PCDH15: variants seen among roughly 807,000 people sequenced by gnomAD.
PCDH15 encodes protocadherin related 15.
PCDH15 carries 129 observed loss-of-function variants against 178.5 expected under a neutral mutation model. The observed-to-expected ratio is 0.72, with a 90% CI of 0.63 to 0.84. The LOEUF (loss-of-function observed/expected upper bound fraction) is 0.84. Ranked by LOEUF, PCDH15 falls within the 40% of genes least tolerant of loss-of-function variation. The pLI, the probability that PCDH15 is intolerant of heterozygous loss-of-function variation, is 0.00. For synonymous variants in PCDH15, 800 were observed against 732.0 expected (o/e 1.09, Z -1.50); for missense variants, 2,230 against 2,099.9 (o/e 1.06, Z -1.21).
intron 1 of PCDH15, among the ~76,000 whole-genome samples, chr10:55,190,451 G>C (rs1180306972): frequency 6.6e-6 from 1 of 151,696 alleles, no homozygotes; most frequent in East Asian, 1.9e-4. Context: ...AAAGCAGTTT[G>C]AACGGTATCT....
intron 2 of PCDH15, among the ~76,000 whole-genome samples, chr10:55,151,011 A>ATATTAAT (rs1171318885): frequency 1.3e-5 from 2 of 152,150 alleles, no homozygotes; most frequent in Non-Finnish European, 2.9e-5. Flanking sequence ...TGAATATCAC[A>ATATTAAT]GTTAATAGTA....
chr10:55,298,659 G>GCAA (rs1843195714), intron 1 of PCDH15, among the ~76,000 whole-genome samples: 1 of 151,912 alleles, frequency 6.6e-6, no homozygotes, highest in African/African-American at 2.4e-5. Context: ...TGGGCTCACT[G>GCAA]CAACCTCCAC....
intron 2 of PCDH15, among the ~76,000 whole-genome samples, chr10:54,921,707 C>T (rs1837493078): frequency 6.6e-6 from 1 of 152,048 alleles, no homozygotes; most frequent in Non-Finnish European, 1.5e-5. Flanking sequence ...GTTTATGTAC[C>T]ACATTTTTTT....
At chr10:54,504,881 CAATA>C (rs995843008) in intron 3 of PCDH15, among the ~76,000 whole-genome samples, 5 of 151,888 alleles carry the variant, frequency 3.3e-5, no homozygotes, top group African/African-American at 1.2e-4. Flanking sequence ...ATGTCACCAA[CAATA>C]AATAAACTAT....
At chr10:54,170,331 G>C (rs1184102823) in intron 13 of PCDH15, among the ~76,000 whole-genome samples, 2 of 151,946 alleles carry the variant, frequency 1.3e-5, no homozygotes, top group African/African-American at 4.8e-5. Flanking sequence ...CAAGAGCCAG[G>C]ACCACACCCT....
At chr10:53,920,819 C>T (rs868391014) in intron 25 of PCDH15, among the ~76,000 whole-genome samples, 38 of 152,112 alleles carry the variant, frequency 2.5e-4, no homozygotes, top group Middle Eastern at 3.4e-3. Flanking sequence ...TGCTTGTTTG[C>T]GAAATATTTC....
chr10:53,992,937 T>A (rs1361019307), intron 21 of PCDH15, among the ~76,000 whole-genome samples: 8 of 152,234 alleles, frequency 5.3e-5, no homozygotes. Context: ...TCAACAATAG[T>A]GCTCTCTCTG....
At chr10:54,664,041 A>T in intron 2 of PCDH15, 131 bp downstream of exon 2, 1 of 747,196 alleles carries the variant, frequency 1.3e-6, no homozygotes, top group Non-Finnish European at 2.3e-6. Flanking sequence ...AGTTAAGGTT[A>T]ATTATTACAC....
At chr10:54,780,772 T>A (rs1415379375) in intron 1 of PCDH15, among the ~76,000 whole-genome samples, 1 of 151,314 alleles carries the variant, frequency 6.6e-6, no homozygotes, top group Admixed American at 6.6e-5. Flanking sequence ...GAATATAAAT[T>A]ATCTTTTAAC....
chr10:55,122,780 C>T (rs1837802501), intron 2 of PCDH15, among the ~76,000 whole-genome samples: 1 of 152,036 alleles, frequency 6.6e-6, no homozygotes, highest in Admixed American at 6.6e-5. Flanking sequence ...CTAAACTAAG[C>T]TTTTGGGACA....
chr10:55,046,677 A>G (rs1049104899), intron 2 of PCDH15, among the ~76,000 whole-genome samples: 6 of 152,062 alleles, frequency 3.9e-5, no homozygotes, highest in Non-Finnish European at 5.9e-5. Context: ...ATCACTTGAC[A>G]AAAGGCAGAT....
chr10:54,098,557 C>A (rs539225527), intron 15 of PCDH15, among the ~76,000 whole-genome samples: 1 of 152,218 alleles, frequency 6.6e-6, no homozygotes, highest in African/African-American at 2.4e-5. Flanking sequence ...CTAACTGTAA[C>A]ATTACCCTGA....
chr10:55,291,702 T>C (rs1843012107), intron 1 of PCDH15, among the ~76,000 whole-genome samples: 1 of 152,176 alleles, frequency 6.6e-6, no homozygotes, highest in African/African-American at 2.4e-5. Flanking sequence ...CTTGTTGTAT[T>C]AGTCCATTTT....
At chr10:55,376,276 G>T (rs1312513438) in intron 2 of PCDH15, among the ~76,000 whole-genome samples, 4 of 152,048 alleles carry the variant, frequency 2.6e-5, no homozygotes, top group African/African-American at 9.7e-5. Flanking sequence ...GATCCACTTA[G>T]ATATGTTATA....
intron 2 of PCDH15, among the ~76,000 whole-genome samples, chr10:55,463,899 G>GAGAGAGAA (rs1839738570): frequency 4.2e-5 from 2 of 47,438 alleles, no homozygotes; most frequent in Non-Finnish European, 4.0e-5. Context: ...GGGAGAGAGA[G>GAGAGAGAA]AGAAAGAAAG....
intron 2 of PCDH15, among the ~76,000 whole-genome samples, chr10:54,546,154 G>T (rs1329324386): frequency 6.6e-6 from 1 of 152,180 alleles, no homozygotes; most frequent in Non-Finnish European, 1.5e-5. Flanking sequence ...TGCCGCTGTG[G>T]CATCCAAGCT....
At chr10:54,345,448 T>A (rs891404058) in intron 6 of PCDH15, among the ~76,000 whole-genome samples, 1 of 152,042 alleles carries the variant, frequency 6.6e-6, no homozygotes, top group Non-Finnish European at 1.5e-5. Flanking sequence ...AGTAGTGCAT[T>A]TATAATTGCT....
At chr10:54,290,107 G>T (rs1329512911) in intron 8 of PCDH15, among the ~76,000 whole-genome samples, 3 of 152,264 alleles carry the variant, frequency 2.0e-5, no homozygotes, top group Admixed American at 6.5e-5. Context: ...ATTCACCAAG[G>T]TTGTAATGAA....
intron 28 of PCDH15, among the ~76,000 whole-genome samples, chr10:53,848,839 C>T (rs2078150537): frequency 6.6e-6 from 1 of 151,892 alleles, no homozygotes; most frequent in South Asian, 2.1e-4. Context: ...TTTTCTTAAA[C>T]AAAATAGTTT....
Sources: gnomAD v4.1 joint callset for allele counts (sites outside exome capture counted in the v4.1 genomes callset) on GRCh38, gnomAD v4.1.1 for gene constraint, MANE v1.5 for transcripts, NCBI Gene and HGNC (gene_info 2026-07-23, HGNC 2026-07-21) for gene names.